Variants in ROR1 observed in about 807,000 individuals in gnomAD.
ROR1 encodes ROR family WNT receptor 1, also known as inactive tyrosine-protein kinase transmembrane receptor ROR1.
Under a neutral mutation model 78.8 loss-of-function variants are expected in ROR1, and 19 were observed. The observed-to-expected ratio is 0.24, with a 90% CI of 0.17 to 0.35. ROR1 has a LOEUF of 0.35. Among genes scored for constraint, ROR1 ranks in the 10% least tolerant of loss-of-function variants. The pLI is 1.00. For missense variants in ROR1, 917 were observed against 1,177.8 expected, an observed-to-expected ratio of 0.78 and a Z score of 3.24; for synonymous variants, 386 against 433.6, an observed-to-expected ratio of 0.89 and a Z score of 1.36.
At chr1:63,953,560 T>G (rs1267771950) in intron 1 of ROR1, among the ~76,000 whole-genome samples, 1 of 152,208 alleles carries the variant, frequency 6.6e-6, no homozygotes, top group Non-Finnish European at 1.5e-5. Context: ...GGGGGACTGT[T>G]GTAACATGCC....
intron 1 of ROR1, among the ~76,000 whole-genome samples, chr1:63,991,549 G>T (rs368182135): frequency 6.6e-6 from 1 of 152,132 alleles, no homozygotes; most frequent in South Asian, 2.1e-4. Flanking sequence ...ACTTGGTGGC[G>T]TAGAAAAATA....
At chr1:63,946,215 A>G (rs1437147206) in intron 1 of ROR1, among the ~76,000 whole-genome samples, 1 of 152,146 alleles carries the variant, frequency 6.6e-6, no homozygotes, top group Non-Finnish European at 1.5e-5. Context: ...ACACACTATA[A>G]TATTCAACCT....
intron 1 of ROR1, among the ~76,000 whole-genome samples, chr1:63,829,604 T>C (rs1644974262): frequency 6.6e-6 from 1 of 152,166 alleles, no homozygotes; most frequent in African/African-American, 2.4e-5. Context: ...GTACAGAGTC[T>C]GGAAGTGCAG....
chr1:64,016,145 G>A (rs1316429398), intron 2 of ROR1, among the ~76,000 whole-genome samples: 1 of 152,026 alleles, frequency 6.6e-6, no homozygotes, highest in Non-Finnish European at 1.5e-5. Flanking sequence ...TTAAGCTCTG[G>A]GCCTCAGGGT....
intron 1 of ROR1, among the ~76,000 whole-genome samples, chr1:63,787,480 T>TCCTG (rs771217918): frequency 9.2e-5 from 11 of 120,038 alleles, no homozygotes; most frequent in East Asian, 2.8e-4. Context: ...CTTCCTTCCT[T>TCCTG]CCTGCCTTCC....
chr1:63,955,328 AT>A (rs981406150), intron 1 of ROR1, among the ~76,000 whole-genome samples: 5 of 152,240 alleles, frequency 3.3e-5, no homozygotes, highest in African/African-American at 1.2e-4. Context: ...ATAAGCATAA[AT>A]TTTTTCTTTG....
At chr1:63,978,243 A>G (rs1246913198) in intron 1 of ROR1, among the ~76,000 whole-genome samples, 1 of 152,238 alleles carries the variant, frequency 6.6e-6, no homozygotes, top group Admixed American at 6.5e-5. Context: ...TGGAAAAGTT[A>G]TCAGTTTGAT....
intron 1 of ROR1, among the ~76,000 whole-genome samples, chr1:63,927,827 C>T (rs855858): frequency 0.67 from 102,209 of 151,962 alleles, 38,078 homozygotes; most frequent in East Asian, 0.94. Flanking sequence ...GTTTCCTCAA[C>T]GACTAGGCCT....
intron 4 of ROR1, among the ~76,000 whole-genome samples, chr1:64,129,526 C>T (rs1011730836): frequency 2.6e-5 from 4 of 152,164 alleles, no homozygotes; most frequent in African/African-American, 7.2e-5. Flanking sequence ...GCGCTGAACT[C>T]GGGGACTCCA....
intron 1 of ROR1, among the ~76,000 whole-genome samples, chr1:63,913,401 C>T (rs1425528796): frequency 2.0e-5 from 3 of 151,816 alleles, no homozygotes; most frequent in African/African-American, 7.3e-5. Flanking sequence ...CTGTACTCAA[C>T]CTTGGAAACA....
At chr1:63,849,547 A>C (rs1569814341) in intron 1 of ROR1, among the ~76,000 whole-genome samples, 1 of 152,062 alleles carries the variant, frequency 6.6e-6, no homozygotes, top group Non-Finnish European at 1.5e-5. Context: ...AAAATAAAAA[A>C]AGTTGGCGGG....
At chr1:63,805,351 G>A (rs1644822457) in intron 1 of ROR1, among the ~76,000 whole-genome samples, 1 of 152,172 alleles carries the variant, frequency 6.6e-6, no homozygotes, top group African/African-American at 2.4e-5. Flanking sequence ...CTCAGCCTCT[G>A]TGGGATTTGT....
chr1:64,058,396 T>G (rs1422230497), intron 4 of ROR1, among the ~76,000 whole-genome samples: 2 of 147,744 alleles, frequency 1.4e-5, no homozygotes, highest in African/African-American at 5.0e-5. Flanking sequence ...GGACATCCTG[T>G]TTTTTTTTTA....
chr1:64,171,275 C>T (rs34507748), intron 8 of ROR1: 4,616 of 159,088 alleles, frequency 0.029, 252 homozygotes, highest in African/African-American at 0.11. Flanking sequence ...TCACATCTTA[C>T]GTGGATGGCA....
intron 1 of ROR1, among the ~76,000 whole-genome samples, chr1:63,780,765 A>G (rs1328571352): frequency 1.3e-5 from 2 of 152,194 alleles, no homozygotes; most frequent in Non-Finnish European, 2.9e-5. Context: ...ATGCCTTAAA[A>G]CAAAGGCTTT....
intron 8 of ROR1, among the ~76,000 whole-genome samples, chr1:64,165,370 T>G (rs546984780): frequency 6.6e-6 from 1 of 152,228 alleles, no homozygotes; most frequent in South Asian, 2.1e-4. Flanking sequence ...CATATGTTTG[T>G]TGGCCACACG....
intron 4 of ROR1, among the ~76,000 whole-genome samples, chr1:64,131,194 A>T (rs1041559492): frequency 1.3e-5 from 2 of 152,144 alleles, no homozygotes. Context: ...AGGGGCAGCC[A>T]TCTTGATGTG....
chr1:63,802,281 G>C (rs1329784302), intron 1 of ROR1, among the ~76,000 whole-genome samples: 3 of 152,156 alleles, frequency 2.0e-5, no homozygotes, highest in Non-Finnish European at 4.4e-5. Context: ...GGCTTGTCCA[G>C]GAGCATCCAC....
At chr1:64,121,261 C>CCCT (rs201508133) in intron 4 of ROR1, among the ~76,000 whole-genome samples, 4 of 139,376 alleles carry the variant, frequency 2.9e-5, no homozygotes, top group Admixed American at 7.3e-5. Flanking sequence ...TTCCTTCCAT[C>CCCT]CTCCTGTTTC....
Sources: allele counts gnomAD v4.1 joint callset (sites outside exome capture counted in the v4.1 genomes callset), GRCh38; gene constraint gnomAD v4.1.1; transcripts MANE v1.5; gene names NCBI Gene and HGNC (gene_info 2026-07-23, HGNC 2026-07-21).